Variants in B3GLCT observed in about 807,000 individuals in gnomAD.
The protein encoded by B3GLCT is beta 3-glucosyltransferase, also known as beta-1,3-glucosyltransferase.
In B3GLCT, 65 loss-of-function variants were observed where a neutral mutation model predicts 63.4. The observed-to-expected ratio is 1.03, with a 90% CI of 0.84 to 1.26. B3GLCT has a LOEUF of 1.26. B3GLCT is among the 50% of genes most tolerant of loss of function. The pLI is 0.00. For missense variants in B3GLCT, 577 were observed against 604.8 expected, an observed-to-expected ratio of 0.95 and a Z score of 0.48; for synonymous variants, 233 against 219.2, an observed-to-expected ratio of 1.06 and a Z score of -0.55.
At chr13:31,299,238 T>G (rs1874104362) in intron 12 of B3GLCT, among the ~76,000 whole-genome samples, 1 of 152,178 alleles carries the variant, frequency 6.6e-6, no homozygotes, top group Non-Finnish European at 1.5e-5. Context: ...TTTCCAGTGT[T>G]TTAATTACCT....
intron 3 of B3GLCT, among the ~76,000 whole-genome samples, chr13:31,228,321 G>T (rs1352294609): frequency 6.6e-6 from 1 of 152,204 alleles, no homozygotes; most frequent in African/African-American, 2.4e-5. Context: ...CATGGGAGAT[G>T]GGCAGTTACT....
chr13:31,257,677 T>A lies in B3GLCT; in HGVS notation c.460-3269T>A, dbSNP rs1284665062. The stretch of plus-strand genomic sequence containing the variant: ...TACCTAAGAGTACTCATGTATGGTG[T>A]CTTCTTGATTTTATATTCTGATAAA... On this transcript the variant is annotated intron_variant, in intron 6 of 14. Transcript: ENST00000343307. 2.0e-5 allele frequency among the ~76,000 whole-genome samples: 3 copies of A among 152,016 alleles called. No homozygotes were observed. The East Asian group carries it at 5.8e-4, about 29-fold the overall frequency.
intron 14 of B3GLCT, among the ~76,000 whole-genome samples, chr13:31,327,073 C>G (rs1028748): frequency 6.6e-6 from 1 of 152,054 alleles, no homozygotes; most frequent in Non-Finnish European, 1.5e-5. Flanking sequence ...ATACATTCCA[C>G]AATCCCCCCA....
At chr13:31,289,848 T>C (rs1873555015) in intron 12 of B3GLCT, among the ~76,000 whole-genome samples, 1 of 152,118 alleles carries the variant, frequency 6.6e-6, no homozygotes, top group Non-Finnish European at 1.5e-5. Flanking sequence ...TATCTGACAT[T>C]TTCCAATAAC....
chr13:31,281,957 C>T (rs979426264), intron 10 of B3GLCT, among the ~76,000 whole-genome samples: 1 of 152,126 alleles, frequency 6.6e-6, no homozygotes, highest in Non-Finnish European at 1.5e-5. Flanking sequence ...CTAGAAAGCT[C>T]TAAGAAAGAT....
intron 4 of B3GLCT, 97 bp from the exon 5 acceptor site, chr13:31,246,926 T>C: frequency 1.0e-6 from 1 of 976,042 alleles, no homozygotes; most frequent in Non-Finnish European, 1.5e-6. Flanking sequence ...CTTTTCTTTT[T>C]TTCTTTTTTC....
intron 12 of B3GLCT, among the ~76,000 whole-genome samples, chr13:31,316,226 A>G (rs979678942): frequency 1.3e-5 from 2 of 151,284 alleles, no homozygotes; most frequent in Non-Finnish European, 3.0e-5. Flanking sequence ...TGGTAAATCC[A>G]GTGACGGCTT....
At chr13:31,316,352 C>G (rs1222016036) in intron 12 of B3GLCT, among the ~76,000 whole-genome samples, 1 of 144,530 alleles carries the variant, frequency 6.9e-6, no homozygotes, top group Non-Finnish European at 1.5e-5. Context: ...GAGCCCACCT[C>G]TTGCATCAGC....
At chr13:31,297,766 C>A (rs1488911347) in intron 12 of B3GLCT, among the ~76,000 whole-genome samples, 1 of 152,166 alleles carries the variant, frequency 6.6e-6, no homozygotes, top group Non-Finnish European at 1.5e-5. Context: ...CGTCGGGGTT[C>A]TTACAACCTC....
In B3GLCT at chr13:31,317,541, AT is replaced by A. The variant is rs761330051; in HGVS notation, c.1065-22del. On this transcript the variant is annotated intron_variant, in intron 12 of 14. Transcript: ENST00000343307. ...ACCACGTTTGAATCAAATAATCATGATTTGTGTTCCCTTTGGCATCTCAGTA... is the reference window on the plus strand; with the variant it reads ...ACCACGTTTGAATCAAATAATCATGATTGTGTTCCCTTTGGCATCTCAGTA... 25 of 1,613,516 alleles carry A rather than the reference AT, an allele frequency of 1.5e-5. No individual in the cohort carries two copies. In the Admixed American group the frequency reaches 4.2e-4, roughly 27 times the overall value.
chr13:31,312,161 T>A (rs1420617917), intron 12 of B3GLCT, among the ~76,000 whole-genome samples: 1 of 152,238 alleles, frequency 6.6e-6, no homozygotes, highest in African/African-American at 2.4e-5. Context: ...AGTCTTGCTC[T>A]TTCTATGGCC....
intron 9 of B3GLCT, among the ~76,000 whole-genome samples, chr13:31,276,421 A>T (rs1872786230): frequency 6.6e-6 from 1 of 152,048 alleles, no homozygotes; most frequent in African/African-American, 2.4e-5. Context: ...TGCAGTGGTT[A>T]TTATTTTTTT....
intron 1 of B3GLCT, among the ~76,000 whole-genome samples, chr13:31,208,627 C>CT (rs11377540): frequency 0.15 from 19,701 of 133,278 alleles, 3,668 homozygotes; most frequent in East Asian, 0.61. Context: ...TGGCCCCCCC[C>CT]CCCCGCTCAC....
chr13:31,266,005 CT>C lies in B3GLCT; in HGVS notation c.597-3197del, dbSNP rs777718886. Among the ~76,000 whole-genome samples the C allele has an allele frequency of 6.2e-3, 899 of 146,104 alleles. 4 individuals are homozygous for C. Among genetic ancestry groups the C allele is most frequent in the Non-Finnish European group, 9.3e-3 (611 of 65,970 alleles). ...TGCTATTGGGGGCATGACTTAACTT[CT>C]TTTTTTTTTTTGAAACGGAGTCTCG... On this transcript the variant is annotated intron_variant, in intron 7 of 14. Transcript: ENST00000343307.
intron 13 of B3GLCT, among the ~76,000 whole-genome samples, chr13:31,319,008 T>C (rs1593319405): frequency 6.6e-6 from 1 of 152,200 alleles, no homozygotes; most frequent in East Asian, 1.9e-4. Context: ...CTATCTAGAA[T>C]TGCCTTTCAT....
chr13:31,247,919 C>T lies in B3GLCT; in HGVS notation c.412C>T (p.Gln138Ter). The change falls in exon 6 of 15, where the codon CAG (glutamine) becomes TAG (stop). Residue 138 changes from glutamine to a stop codon, truncating the protein, a stop_gained. Coordinates refer to ENST00000343307, the MANE Select transcript of B3GLCT (RefSeq NM_194318.4). LOFTEE classifies it high-confidence loss of function. ...IFFCEEETRIQIPKLLETLRR... is the reference protein window; with the variant it reads ...IFFCEEETRI ...CTTCTGTGAAGAAGAGACAAGAATA[C>T]AGATTCCAAAACTCTTGGAAACCCT... 6.2e-7 allele frequency: 1 copy of T among 1,611,374 alleles called. No homozygotes were observed. The highest frequency in any genetic ancestry group is 8.5e-7 in the Non-Finnish European group (1 of 1,177,758).
intron 14 of B3GLCT, among the ~76,000 whole-genome samples, chr13:31,325,353 C>G (rs1342633554): frequency 1.3e-5 from 2 of 152,174 alleles, no homozygotes; most frequent in Admixed American, 6.5e-5. Context: ...CTCTCTTGCT[C>G]TGTCTCATGG....
chr13:31,244,781 A>G (rs1871119315), intron 4 of B3GLCT, among the ~76,000 whole-genome samples: 1 of 152,176 alleles, frequency 6.6e-6, no homozygotes, highest in Non-Finnish European at 1.5e-5. Flanking sequence ...ATATGACAAG[A>G]ATAAAAGCTC....
chr13:31,274,553 C>A lies in B3GLCT; in HGVS notation c.705C>A (p.Thr235=), dbSNP rs1468646765. ...ACAAAGGCGGAGGACCTCCCCTGAC[C>A]CCAGTGCCTGAGTTTTGTACCAATG... is the stretch of plus-strand genomic sequence containing the variant. ...IWDKGGGPPL[T]PVPEFCTNDV... Residue 235 remains threonine (T), a synonymous_variant, in exon 9 of 15, where the codon ACC becomes ACA. Transcript: ENST00000343307. 6.2e-7 allele frequency: 1 copy of A among 1,614,156 alleles called. No individual in the cohort carries two copies.
Sources: gnomAD v4.1 joint callset for allele counts (sites outside exome capture counted in the v4.1 genomes callset) on GRCh38, gnomAD v4.1.1 for gene constraint, MANE v1.5 for transcripts, NCBI Gene and HGNC (gene_info 2026-07-23, HGNC 2026-07-21) for gene names.